ITPRID1: variants seen among roughly 807,000 people sequenced by gnomAD.
ITPRID1 encodes ITPR interacting domain containing 1, also known as protein ITPRID1.
Under a neutral mutation model 95.4 loss-of-function variants are expected in ITPRID1, and 96 were observed. The ratio of observed to expected loss-of-function variants is 1.01; its 90% CI spans 0.85 to 1.19. The LOEUF (loss-of-function observed/expected upper bound fraction) is 1.19, where lower values mean the gene tolerates loss of function less well. Ranked by LOEUF, ITPRID1 falls within the 50% of genes most tolerant of loss-of-function variation. The pLI, the probability that ITPRID1 is intolerant of heterozygous loss-of-function variation, is 0.00. For synonymous variants in ITPRID1, 510 were observed against 453.6 expected (o/e 1.12, Z -1.58); for missense variants, 1,339 against 1,252.9 (o/e 1.07, Z -1.04).
intron 10 of ITPRID1, among the ~76,000 whole-genome samples, chr7:31,627,916 A>G (rs1385545838): frequency 1.3e-5 from 2 of 152,214 alleles, no homozygotes; most frequent in Non-Finnish European, 2.9e-5. Context: ...AAGAAAGAGC[A>G]TATCCAAAAG....
At chr7:31,552,675 T>C (rs1290229427) in intron 2 of ITPRID1, among the ~76,000 whole-genome samples, 1 of 152,162 alleles carries the variant, frequency 6.6e-6, no homozygotes, top group Admixed American at 6.6e-5. Context: ...TTGAAGGCTA[T>C]TTACTGGGTG....
chr7:31,549,530 T>C, intron 2 of ITPRID1, 31 bp downstream of exon 2: 2 of 1,481,760 alleles, frequency 1.3e-6, no homozygotes, highest in South Asian at 2.5e-5. Flanking sequence ...TTTCATTAAA[T>C]TTTCCCAAAA....
At position 31,642,877 on chromosome 7, in the gene ITPRID1, G is replaced by A. The variant is rs1266019249; in HGVS notation, c.1507G>A (p.Glu503Lys). ...LEQRASVSVM[E>K]EEFLLEAMEG... Reference sequence around the variant, plus strand: ...ACAAAGGGCCTCAGTATCTGTGATGGAGGAAGAGTTTCTGCTTGAGGCCAT... The same window carrying A: ...ACAAAGGGCCTCAGTATCTGTGATGAAGGAAGAGTTTCTGCTTGAGGCCAT... Residue 503 changes from glutamate (E) to lysine (K), a missense_variant, in exon 12 of 15, where the codon GAG becomes AAG. Glu to Lys is a moderately conservative substitution (Grantham distance 56). Coordinates refer to ENST00000615280, the MANE Select transcript of ITPRID1 (RefSeq NM_001257967.3). The A allele has an allele frequency of 5.6e-6, 9 of 1,614,044 alleles. No homozygotes were observed. The highest frequency in any genetic ancestry group is 7.6e-6 in the Non-Finnish European group (9 of 1,179,900).
chr7:31,586,010 C>T (rs1201819025), intron 10 of ITPRID1, among the ~76,000 whole-genome samples: 3 of 142,556 alleles, frequency 2.1e-5, no homozygotes, highest in Non-Finnish European at 4.5e-5. Context: ...CCACAACAGT[C>T]CCCAGAGTGT....
intron 10 of ITPRID1, among the ~76,000 whole-genome samples, chr7:31,620,300 GCCT>G (rs1472647712): frequency 6.6e-6 from 1 of 152,102 alleles, no homozygotes; most frequent in Non-Finnish European, 1.5e-5. Flanking sequence ...CGGGCAGACT[GCCT>G]CCTCAAGTGG....
chr7:31,648,495 G>A (rs1790677141), intron 12 of ITPRID1, among the ~76,000 whole-genome samples: 2 of 152,012 alleles, frequency 1.3e-5, no homozygotes, highest in South Asian at 4.2e-4. Flanking sequence ...GAAGATGGCA[G>A]CATTTCAGAA....
chr7:31,634,069 G>C (rs1789254999), intron 10 of ITPRID1, among the ~76,000 whole-genome samples: 1 of 152,188 alleles, frequency 6.6e-6, no homozygotes, highest in Non-Finnish European at 1.5e-5. Context: ...GCAGGGACCA[G>C]GTTCTTCCAC....
chr7:31,520,258 A>G (rs1783197256), intron 1 of ITPRID1, among the ~76,000 whole-genome samples: 1 of 152,114 alleles, frequency 6.6e-6, no homozygotes, highest in South Asian at 2.1e-4. Flanking sequence ...ACTTATCTCC[A>G]TTGATGTTAA....
chr7:31,651,924 A>C lies in ITPRID1; in HGVS notation c.2712-15A>C. 6.4e-7 allele frequency: 1 copy of C among 1,557,304 alleles called. No homozygotes were observed. The highest frequency in any genetic ancestry group is 8.7e-7 in the Non-Finnish European group (1 of 1,146,592). On this transcript the variant is annotated splice_polypyrimidine_tract_variant and intron_variant, in intron 13 of 14. Transcript: ENST00000615280. ...GGATTGTTAAATTTGGTTATTTTCT[A>C]TTATTTACTTGCAGGGAGGAGGCCG...
intron 10 of ITPRID1, among the ~76,000 whole-genome samples, chr7:31,586,756 G>A (rs1203048437): frequency 2.0e-5 from 3 of 151,900 alleles, no homozygotes; most frequent in Non-Finnish European, 4.4e-5. Flanking sequence ...TGTCAGATGA[G>A]TAGGTTGCGA....
At chr7:31,609,739 TTC>T (rs1330853377) in intron 10 of ITPRID1, among the ~76,000 whole-genome samples, 1 of 151,592 alleles carries the variant, frequency 6.6e-6, no homozygotes, top group Non-Finnish European at 1.5e-5. Flanking sequence ...AAAGAAAAAC[TTC>T]TTTTTTAAAA....
intron 12 of ITPRID1, among the ~76,000 whole-genome samples, chr7:31,647,001 A>T (rs1343835320): frequency 6.6e-6 from 1 of 152,276 alleles, no homozygotes; most frequent in Non-Finnish European, 1.5e-5. Flanking sequence ...AATAGAAAAA[A>T]ATACACTCAA....
At chr7:31,613,030 A>G (rs1011447824) in intron 10 of ITPRID1, among the ~76,000 whole-genome samples, 15 of 152,184 alleles carry the variant, frequency 9.9e-5, no homozygotes, top group African/African-American at 3.6e-4. Context: ...TCAAATAAAG[A>G]CAGGCCTACT....
At chr7:31,620,054 G>A (rs1406895831) in intron 10 of ITPRID1, among the ~76,000 whole-genome samples, 1 of 152,200 alleles carries the variant, frequency 6.6e-6, no homozygotes, top group African/African-American at 2.4e-5. Flanking sequence ...GAGGCTGGGG[G>A]AGGGGTGCCC....
chr7:31,564,970 G>C (rs546890801), intron 5 of ITPRID1, among the ~76,000 whole-genome samples: 12 of 152,158 alleles, frequency 7.9e-5, no homozygotes, highest in African/African-American at 2.9e-4. Context: ...AACAGGCAAA[G>C]GGAAGCAGGA....
chr7:31,619,488 T>G (rs1388119338), intron 10 of ITPRID1, among the ~76,000 whole-genome samples: 2 of 152,184 alleles, frequency 1.3e-5, no homozygotes, highest in African/African-American at 4.8e-5. Context: ...AAAGTTACTG[T>G]ATCATAGCAT....
chr7:31,548,668 C>G (rs546314383), intron 1 of ITPRID1, among the ~76,000 whole-genome samples: 71 of 152,198 alleles, frequency 4.7e-4, no homozygotes, highest in African/African-American at 1.5e-3. Context: ...CATGGCCCAA[C>G]AGCATGATGT....
intron 10 of ITPRID1, among the ~76,000 whole-genome samples, chr7:31,616,502 G>A (rs996101540): frequency 1.3e-5 from 2 of 152,162 alleles, no homozygotes; most frequent in Admixed American, 6.5e-5. Flanking sequence ...AGTACAGTAT[G>A]GGGGTGGGAC....
intron 10 of ITPRID1, among the ~76,000 whole-genome samples, chr7:31,611,750 G>A (rs1444018347): frequency 6.6e-6 from 1 of 151,780 alleles, no homozygotes; most frequent in Non-Finnish European, 1.5e-5. Flanking sequence ...AATATCCCTT[G>A]TATGTGATGA....
Sources: allele counts gnomAD v4.1 joint callset (sites outside exome capture counted in the v4.1 genomes callset), GRCh38; gene constraint gnomAD v4.1.1; transcripts MANE v1.5; gene names NCBI Gene and HGNC (gene_info 2026-07-23, HGNC 2026-07-21).